ZNF782: variants seen among roughly 807,000 people sequenced by gnomAD.
ZNF782 encodes the protein zinc finger protein 782.
Under a neutral mutation model 13.0 loss-of-function variants are expected in ZNF782, and 12 were observed. That is an observed-to-expected ratio of 0.92 (90% CI 0.59 to 1.50). The LOEUF (loss-of-function observed/expected upper bound fraction) is 1.50, where lower values mean the gene tolerates loss of function less well. Ranked by LOEUF, ZNF782 falls within the 40% of genes most tolerant of loss-of-function variation. ZNF782 has a pLI of 0.00. For missense variants in ZNF782, 770 were observed against 822.9 expected (o/e 0.94, Z 0.79); for synonymous variants, 284 against 283.0 (o/e 1.00, Z -0.04).
intron 1 of ZNF782, among the ~76,000 whole-genome samples, chr9:96,862,549 T>C (rs1289757685): frequency 6.6e-6 from 1 of 152,212 alleles, no homozygotes; most frequent in Non-Finnish European, 1.5e-5. Flanking sequence ...ATTACCACAC[T>C]GTATATTTAC....
rs750767624 is a variant in ZNF782 at position 96,819,679 on chromosome 9, T to TG, written c.343dup (p.Gln115ProfsTer9). The TG allele has an allele frequency of 2.5e-6, 4 of 1,613,868 alleles. No homozygotes were observed. In the Admixed American group the frequency reaches 6.7e-5, roughly 27 times the overall value. ...ATTATGTGGTTTTCCTGAAATTTCT[T>TG]GCTCTGTAGTCAATAATTTATTGGT... On this transcript the variant is annotated frameshift_variant, in exon 6 of 6. Coordinates refer to ENST00000481138, the MANE Select transcript of ZNF782 (RefSeq NM_001001662.3). LOFTEE classifies it low-confidence loss of function (END_TRUNC).
the ZNF782 span, among the ~76,000 whole-genome samples, chr9:96,920,123 G>C: frequency 1.3e-5 from 2 of 150,058 alleles, no homozygotes; most frequent in Non-Finnish European, 2.9e-5. Flanking sequence ...AAAAGAAAAT[G>C]TGAAGTTTTC....
chr9:96,885,719 C>A, the ZNF782 span, among the ~76,000 whole-genome samples: 1 of 151,236 alleles, frequency 6.6e-6, no homozygotes, highest in Non-Finnish European at 1.5e-5. Context: ...CAAAAAAAAA[C>A]AAAGAAAAAA....
chr9:96,886,208 G>GAAAAAAA, the ZNF782 span, among the ~76,000 whole-genome samples: 2 of 88,406 alleles, frequency 2.3e-5, no homozygotes, highest in Non-Finnish European at 2.7e-5. Flanking sequence ...TTTAAGTACA[G>GAAAAAAA]AAAAAAAAAA....
Position 96,818,642 on chromosome 9 carries a change from A to G in ZNF782, c.1381T>C (p.Tyr461His), listed in dbSNP as rs140551668. Reference protein sequence around the residue: ...ECHECGKSFNYKSILIVHQRT... With the variant: ...ECHECGKSFNHKSILIVHQRT... ...TGATGCACTATGAGGATTGACTTAT[A>G]GTTAAAAGATTTCCCACATTCATGA... The change falls in exon 6 of 6, where the codon TAT becomes CAT. Residue 461 changes from tyrosine (Y) to histidine (H), a missense_variant. Transcript: ENST00000481138. The G allele has an allele frequency of 2.7e-5, 44 of 1,612,378 alleles. No individual in the cohort carries two copies. Among genetic ancestry groups the G allele is most frequent in the Non-Finnish European group, 3.6e-5 (42 of 1,179,588 alleles).
intron 4 of ZNF782, among the ~76,000 whole-genome samples, chr9:96,839,553 T>G (rs1182752281): frequency 6.6e-6 from 1 of 152,188 alleles, no homozygotes; most frequent in African/African-American, 2.4e-5. Context: ...AACTACCTTT[T>G]AAATTTAGTG....
At chr9:96,933,642 G>A in the ZNF782 span, 1 of 152,436 alleles carries the variant, frequency 6.6e-6, no homozygotes, top group Admixed American at 6.5e-5. Context: ...AAAGTGCTGG[G>A]ATTGCAGACG....
At chr9:96,827,436 C>A (rs577934955) in intron 4 of ZNF782, among the ~76,000 whole-genome samples, 3 of 151,996 alleles carry the variant, frequency 2.0e-5, no homozygotes. Flanking sequence ...CTCAGGTAAT[C>A]CTTCTGCCTC....
intron 4 of ZNF782, among the ~76,000 whole-genome samples, chr9:96,843,627 T>G (rs1399433522): frequency 6.6e-6 from 1 of 152,178 alleles, no homozygotes; most frequent in Non-Finnish European, 1.5e-5. Context: ...TCTCCACATG[T>G]GATAAAATGG....
At chr9:96,823,517 T>A (rs1850496656) in intron 5 of ZNF782, among the ~76,000 whole-genome samples, 1 of 152,238 alleles carries the variant, frequency 6.6e-6, no homozygotes, top group Admixed American at 6.5e-5. Flanking sequence ...TTTAGCATTA[T>A]CAAAATGCCC....
At chr9:96,883,995 T>C in the ZNF782 span, among the ~76,000 whole-genome samples, 1 of 152,184 alleles carries the variant, frequency 6.6e-6, no homozygotes, top group African/African-American at 2.4e-5. Context: ...GGATGGGCTA[T>C]GAATAGAAAA....
Position 96,819,058 on chromosome 9 carries a change from T to A in ZNF782, c.965A>T (p.Asn322Ile), listed in dbSNP as rs986836890. 1.9e-6 allele frequency: 3 copies of A among 1,614,076 alleles called. No homozygotes were observed. The highest frequency in any genetic ancestry group is 2.5e-6 in the Non-Finnish European group (3 of 1,180,044). Residue 322 changes from asparagine (N) to isoleucine (I), a missense_variant, in exon 6 of 6, where the codon AAT (asparagine) becomes ATT (isoleucine). By Grantham distance (149) the Asn-to-Ile change is moderately radical. Transcript: ENST00000481138. ...PFEYGKSFNR[N>I]STLPVHQRTH... ...TCTCTGATGCACTGGGAGGGTTGAATTACGGTTGAAACTTTTTCCATATTC... is the reference window on the plus strand; with the variant it reads ...TCTCTGATGCACTGGGAGGGTTGAAATACGGTTGAAACTTTTTCCATATTC...
intron 4 of ZNF782, among the ~76,000 whole-genome samples, chr9:96,839,793 TG>T (rs1466329402): frequency 6.6e-6 from 1 of 152,194 alleles, no homozygotes; most frequent in Non-Finnish European, 1.5e-5. Flanking sequence ...ACCATTCTAC[TG>T]CTTCTTTTGA....
the ZNF782 span, among the ~76,000 whole-genome samples, chr9:96,897,402 C>A: frequency 6.6e-6 from 1 of 152,138 alleles, no homozygotes; most frequent in Non-Finnish European, 1.5e-5. Flanking sequence ...AAATCCTCTC[C>A]CCTGATGTTG....
chr9:96,859,582 T>G (rs902543075), intron 3 of ZNF782, among the ~76,000 whole-genome samples: 8 of 152,130 alleles, frequency 5.3e-5, no homozygotes, highest in African/African-American at 1.9e-4. Context: ...ACTATCTGAC[T>G]AAAGAGCCCT....
At chr9:96,830,547 T>A (rs1850765411) in intron 4 of ZNF782, among the ~76,000 whole-genome samples, 1 of 152,208 alleles carries the variant, frequency 6.6e-6, no homozygotes, top group South Asian at 2.1e-4. Context: ...GTAGGAAACC[T>A]GGACTTTCAG....
chr9:96,833,200 C>G (rs1329688160), intron 4 of ZNF782, among the ~76,000 whole-genome samples: 3 of 152,214 alleles, frequency 2.0e-5, no homozygotes, highest in Non-Finnish European at 2.9e-5. Context: ...CTATTAACAA[C>G]TGAAACTACC....
At chr9:96,883,170 TA>T in the ZNF782 span, among the ~76,000 whole-genome samples, 1 of 152,072 alleles carries the variant, frequency 6.6e-6, no homozygotes, top group South Asian at 2.1e-4. Context: ...AAGGACAATA[TA>T]TTTTTTAAAA....
upstream of ZNF782, among the ~76,000 whole-genome samples, chr9:96,855,957 A>G (rs1257505700): frequency 6.6e-6 from 1 of 152,120 alleles, no homozygotes; most frequent in Non-Finnish European, 1.5e-5. Context: ...TTCTTGCAGG[A>G]GTAAGGTGGT....
Sources: gnomAD v4.1 joint callset for allele counts (sites outside exome capture counted in the v4.1 genomes callset) on GRCh38, gnomAD v4.1.1 for gene constraint, MANE v1.5 for transcripts, NCBI Gene and HGNC (gene_info 2026-07-23, HGNC 2026-07-21) for gene names.